Variants in FSTL4 observed in about 807,000 individuals in gnomAD.
FSTL4 encodes the protein follistatin like 4, also known as follistatin-related protein 4.
Under a neutral mutation model 78.2 loss-of-function variants are expected in FSTL4, and 28 were observed. The ratio of observed to expected loss-of-function variants is 0.36; its 90% CI spans 0.27 to 0.49. FSTL4 has a LOEUF of 0.49. Ranked by LOEUF, FSTL4 falls within the 20% of genes least tolerant of loss-of-function variation. The pLI, the probability that FSTL4 is intolerant of heterozygous loss-of-function variation, is 0.98. For missense variants in FSTL4, 922 were observed against 1,084.9 expected (o/e 0.85, Z 2.11); for synonymous variants, 422 against 440.5 (o/e 0.96, Z 0.53).
the FSTL4 span, among the ~76,000 whole-genome samples, chr5:133,701,617 G>T: frequency 1.3e-5 from 2 of 151,932 alleles, no homozygotes; most frequent in African/African-American, 2.4e-5. Flanking sequence ...ACTGTTCATC[G>T]CTGGTTCTTA....
intron 5 of FSTL4, among the ~76,000 whole-genome samples, chr5:133,314,332 C>T (rs2069228885): frequency 6.6e-6 from 1 of 152,168 alleles, no homozygotes; most frequent in Non-Finnish European, 1.5e-5. Flanking sequence ...GCTGGCAGGG[C>T]GGTTGCCCCG....
chr5:133,728,636 T>G, the FSTL4 span, among the ~76,000 whole-genome samples: 1 of 152,222 alleles, frequency 6.6e-6, no homozygotes, highest in Non-Finnish European at 1.5e-5. Context: ...TCAGCCTGCA[T>G]GAAATATGAT....
chr5:133,322,212 TAC>T (rs1257328325), intron 4 of FSTL4, among the ~76,000 whole-genome samples: 31 of 140,480 alleles, frequency 2.2e-4, no homozygotes, highest in Non-Finnish European at 3.4e-4. Flanking sequence ...CTTGTCCACT[TAC>T]ACACACACAC....
chr5:133,343,213 A>G (rs1754622325), intron 4 of FSTL4, among the ~76,000 whole-genome samples: 1 of 152,220 alleles, frequency 6.6e-6, no homozygotes, highest in African/African-American at 2.4e-5. Context: ...CTGGAAGAAG[A>G]GAGAAAGTTC....
chr5:133,251,822 G>A (rs185988705), intron 6 of FSTL4, among the ~76,000 whole-genome samples: 1 of 152,346 alleles, frequency 6.6e-6, no homozygotes, highest in African/African-American at 2.4e-5. Context: ...AAGGTCCAAA[G>A]GGAAGTGCTC....
intron 12 of FSTL4, among the ~76,000 whole-genome samples, chr5:133,219,909 T>C (rs1751036846): frequency 6.6e-6 from 1 of 152,232 alleles, no homozygotes; most frequent in Non-Finnish European, 1.5e-5. Context: ...GGAACATTGA[T>C]GGGAAATAAC....
At chr5:133,672,088 A>G in the FSTL4 span, among the ~76,000 whole-genome samples, 2 of 152,252 alleles carry the variant, frequency 1.3e-5, no homozygotes, top group African/African-American at 4.8e-5. Context: ...GCTTTTAGTC[A>G]GCAGAGCTGT....
intron 2 of FSTL4, among the ~76,000 whole-genome samples, chr5:133,576,671 G>C (rs1760288555): frequency 6.6e-6 from 1 of 152,152 alleles, no homozygotes; most frequent in Admixed American, 6.5e-5. Context: ...GGCTGAGGAA[G>C]CTCCTGGCTT....
the FSTL4 span, among the ~76,000 whole-genome samples, chr5:133,782,382 G>T: frequency 6.6e-6 from 1 of 152,190 alleles, no homozygotes; most frequent in Non-Finnish European, 1.5e-5. Context: ...TCCACCTTCT[G>T]CAATCACATG....
At chr5:133,651,147 G>C in the FSTL4 span, among the ~76,000 whole-genome samples, 1 of 151,898 alleles carries the variant, frequency 6.6e-6, no homozygotes, top group African/African-American at 2.4e-5. Flanking sequence ...CAGTTCATTT[G>C]GATTTTCTAC....
At chr5:133,806,029 A>G in the FSTL4 span, among the ~76,000 whole-genome samples, 11 of 152,310 alleles carry the variant, frequency 7.2e-5, no homozygotes, top group South Asian at 2.3e-3. Context: ...TGCTGGAATC[A>G]CCCCAGCCAA....
chr5:133,424,923 G>C (rs959137472), intron 3 of FSTL4, among the ~76,000 whole-genome samples: 1 of 152,172 alleles, frequency 6.6e-6, no homozygotes, highest in Admixed American at 6.5e-5. Context: ...GAAAATGCTA[G>C]GCCTTTCCTC....
At chr5:133,788,231 T>C in the FSTL4 span, among the ~76,000 whole-genome samples, 1,927 of 152,266 alleles carry the variant, frequency 0.013, 32 homozygotes, top group African/African-American at 0.044. Context: ...GCCTGGGAAG[T>C]GCTGCCTCTC....
the FSTL4 span, among the ~76,000 whole-genome samples, chr5:133,679,073 G>A: frequency 4.6e-5 from 7 of 152,150 alleles, no homozygotes; most frequent in African/African-American, 1.7e-4. Flanking sequence ...GAACCTGGAG[G>A]AATCTGTGTG....
chr5:133,439,142 C>T (rs1160748487), intron 3 of FSTL4, among the ~76,000 whole-genome samples: 1 of 152,086 alleles, frequency 6.6e-6, no homozygotes. Flanking sequence ...TTCTCCCAGC[C>T]CTTGCTAACA....
At chr5:133,411,215 T>C (rs1756471991) in intron 3 of FSTL4, among the ~76,000 whole-genome samples, 1 of 152,178 alleles carries the variant, frequency 6.6e-6, no homozygotes, top group Admixed American at 6.5e-5. Flanking sequence ...AAGAACCATA[T>C]ACACTGGGAG....
intron 3 of FSTL4, among the ~76,000 whole-genome samples, chr5:133,547,259 G>A (rs1759597700): frequency 6.6e-6 from 1 of 151,916 alleles, no homozygotes; most frequent in Non-Finnish European, 1.5e-5. Flanking sequence ...TCTCTTAGAA[G>A]GGAAATGTCT....
intron 2 of FSTL4, among the ~76,000 whole-genome samples, chr5:133,572,538 T>C (rs1417356997): frequency 6.6e-6 from 1 of 152,170 alleles, no homozygotes; most frequent in Non-Finnish European, 1.5e-5. Flanking sequence ...CAATACTTTA[T>C]AGCGAACTTT....
chr5:133,211,722 C>A (rs1750731259), intron 13 of FSTL4, among the ~76,000 whole-genome samples: 1 of 152,146 alleles, frequency 6.6e-6, no homozygotes, highest in Non-Finnish European at 1.5e-5. Flanking sequence ...CCTCACGTGG[C>A]CTCCCGCCTC....
Sources: allele counts gnomAD v4.1 joint callset (sites outside exome capture counted in the v4.1 genomes callset), GRCh38; gene constraint gnomAD v4.1.1; transcripts MANE v1.5; gene names NCBI Gene and HGNC (gene_info 2026-07-23, HGNC 2026-07-21).